The following PTCSC3 variants were observed in gnomAD, a reference collection of about 807,000 sequenced individuals.
PTCSC3 encodes papillary thyroid carcinoma susceptibility candidate 3 (non-protein coding).
intron 1 of PTCSC3, among the ~76,000 whole-genome samples, chr14:36,174,371 A>G (rs1274901614): frequency 6.6e-6 from 1 of 152,040 alleles, no homozygotes; most frequent in Non-Finnish European, 1.5e-5. Flanking sequence ...TATTTCAGTT[A>G]CTATACTTTT....
At chr14:36,171,911 T>G (rs947399859) in intron 1 of PTCSC3, among the ~76,000 whole-genome samples, 8 of 152,116 alleles carry the variant, frequency 5.3e-5, no homozygotes, top group Non-Finnish European at 1.5e-5. Flanking sequence ...CAAACATGGG[T>G]TATTTAACCT....
In PTCSC3 at chr14:36,162,258, G is replaced by GAAAAAAAAAAAA. The variant is rs58223160; in HGVS notation, n.231+354_231+365dup. ...GCGTTCCAGGAGCTGCTGGGGTATG[G>GAAAAAAAAAAAA]AAAAAAAAAAAAAAAAAAAAAAAAA... On this transcript the variant is annotated intron_variant and non_coding_transcript_variant, in intron 2 of 3. Transcript: ENST00000556013. Among the ~76,000 whole-genome samples the GAAAAAAAAAAAA allele has an allele frequency of 4.6e-4, 49 of 106,534 alleles. 2 individuals carry two copies. Among genetic ancestry groups the GAAAAAAAAAAAA allele is most frequent in the African/African-American group, 2.3e-3 (48 of 20,762 alleles). 69.9% of individuals were successfully genotyped at this position (106,534 alleles called of 152,430 possible).
intron 3 of PTCSC3, among the ~76,000 whole-genome samples, chr14:36,153,405 T>A (rs1881765354): frequency 1.3e-5 from 2 of 152,230 alleles, no homozygotes; most frequent in Non-Finnish European, 2.9e-5. Flanking sequence ...AAATCCTAAC[T>A]CTACGCATCC....
chr14:36,137,217 G>A (rs1881307901), intron 3 of PTCSC3, among the ~76,000 whole-genome samples: 2 of 152,092 alleles, frequency 1.3e-5, no homozygotes, highest in African/African-American at 4.8e-5. Context: ...GCAACAACAA[G>A]CACAAAGGCC....
chr14:36,158,432 A>G (rs1001320643), intron 2 of PTCSC3, among the ~76,000 whole-genome samples: 1 of 152,214 alleles, frequency 6.6e-6, no homozygotes, highest in African/African-American at 2.4e-5. Flanking sequence ...CGTCCCATCA[A>G]TACGTGGTTC....
At chr14:36,143,956 A>G (rs1241557069) in intron 3 of PTCSC3, among the ~76,000 whole-genome samples, 3 of 152,042 alleles carry the variant, frequency 2.0e-5, no homozygotes, top group Admixed American at 1.3e-4. Context: ...TTTGTCAAAG[A>G]TCAGATAGTT....
At chr14:36,174,800 G>T (rs1429755907) in intron 1 of PTCSC3, among the ~76,000 whole-genome samples, 1 of 152,126 alleles carries the variant, frequency 6.6e-6, no homozygotes, top group African/African-American at 2.4e-5. Context: ...TTCTCAAGGG[G>T]CATATTCCTT....
intron 2 of PTCSC3, among the ~76,000 whole-genome samples, chr14:36,155,440 A>G (rs1881807298): frequency 6.6e-6 from 1 of 151,706 alleles, no homozygotes; most frequent in African/African-American, 2.4e-5. Context: ...TAATGCATAC[A>G]CTCTTTATTT....
intron 2 of PTCSC3, among the ~76,000 whole-genome samples, chr14:36,160,092 C>CATCT (rs1209712208): frequency 6.6e-6 from 1 of 152,144 alleles, no homozygotes; most frequent in Non-Finnish European, 1.5e-5. Flanking sequence ...AATATTCCTC[C>CATCT]ATCTCTTTAT....
At chr14:36,175,609 T>C (rs1882269178) in intron 1 of PTCSC3, among the ~76,000 whole-genome samples, 1 of 152,158 alleles carries the variant, frequency 6.6e-6, no homozygotes, top group African/African-American at 2.4e-5. Flanking sequence ...GACAGAAGCA[T>C]GTAGTTTTAT....
intron 1 of PTCSC3, among the ~76,000 whole-genome samples, chr14:36,164,940 A>G (rs1303384841): frequency 6.6e-6 from 1 of 152,174 alleles, no homozygotes; most frequent in African/African-American, 2.4e-5. Context: ...ATGTCATAGG[A>G]CACTTAATTT....
chr14:36,137,918 A>G (rs1394131533), intron 3 of PTCSC3, among the ~76,000 whole-genome samples: 1 of 152,200 alleles, frequency 6.6e-6, no homozygotes, highest in East Asian at 1.9e-4. Flanking sequence ...TCAGAAATGC[A>G]TTTGAGAATT....
intron 3 of PTCSC3, chr14:36,153,679 G>C (rs768320393): frequency 6.6e-6 from 1 of 152,168 alleles, no homozygotes; most frequent in Non-Finnish European, 1.5e-5. Context: ...GTCCATAGCA[G>C]TATAATTTAT....
At chr14:36,142,211 G>A (rs774607420) in intron 3 of PTCSC3, among the ~76,000 whole-genome samples, 10 of 152,136 alleles carry the variant, frequency 6.6e-5, no homozygotes, top group Admixed American at 1.3e-4. Context: ...TTTTTAATTT[G>A]CTGAGAGTTC....
At chr14:36,154,720 C>CT (rs1178258008) in intron 2 of PTCSC3, among the ~76,000 whole-genome samples, 1 of 152,070 alleles carries the variant, frequency 6.6e-6, no homozygotes, top group Non-Finnish European at 1.5e-5. Context: ...GCCTCTCTCT[C>CT]TTTCCTCTTT....
chr14:36,154,349 C>T (rs1215765684), intron 2 of PTCSC3, among the ~76,000 whole-genome samples: 4 of 152,062 alleles, frequency 2.6e-5, no homozygotes, highest in African/African-American at 4.8e-5. Context: ...CTTTAAAAAA[C>T]AGGTTATATA....
chr14:36,165,921 A>G (rs1882076958), intron 1 of PTCSC3, among the ~76,000 whole-genome samples: 1 of 152,178 alleles, frequency 6.6e-6, no homozygotes, highest in Non-Finnish European at 1.5e-5. Flanking sequence ...CATGGTATAT[A>G]TCAAATTTTA....
Position 36,137,815 on chromosome 14 carries a change from A to G in PTCSC3, n.323-1459T>C, listed in dbSNP as rs58808015. Among the ~76,000 whole-genome samples, 707 of 152,296 alleles carry G rather than the reference A, an allele frequency of 4.6e-3. 3 individuals carry two copies. Among genetic ancestry groups the G allele is most frequent in the African/African-American group, 0.016 (669 of 41,566 alleles). ...ATGGGGAATTAATACTTATATCTTA[A>G]TATGTGGAATTTTAGATGTTTATTG... On this transcript the variant is annotated intron_variant and non_coding_transcript_variant, in intron 3 of 3. Coordinates refer to ENST00000556013, the Ensembl canonical transcript of PTCSC3.
chr14:36,173,399 G>A (rs1161297439), intron 1 of PTCSC3, among the ~76,000 whole-genome samples: 1 of 152,122 alleles, frequency 6.6e-6, no homozygotes, highest in Non-Finnish European at 1.5e-5. Context: ...AGGAAAAGTA[G>A]CTCGGAGCTC....
Sources: gnomAD v4.1 joint callset for allele counts (sites outside exome capture counted in the v4.1 genomes callset) on GRCh38, gnomAD v4.1.1 for gene constraint, MANE v1.5 for transcripts, NCBI Gene and HGNC (gene_info 2026-07-23, HGNC 2026-07-21) for gene names.